Variants in C1GALT1 observed in about 807,000 individuals in gnomAD.
The protein encoded by C1GALT1 is core 1 synthase, glycoprotein-N-acetylgalactosamine 3-beta-galactosyltransferase 1, also known as glycoprotein-N-acetylgalactosamine 3-beta-galactosyltransferase 1.
A neutral mutation model predicts 31.0 loss-of-function variants in C1GALT1; 11 were observed. The observed-to-expected ratio is 0.36, with a 90% CI of 0.22 to 0.59. The LOEUF (loss-of-function observed/expected upper bound fraction) is 0.59. C1GALT1 is among the 20% of genes least tolerant of loss of function. The probability of loss-of-function intolerance (pLI) is 0.79; values close to 1 mark genes in which losing one functional copy is unlikely to be tolerated. For missense variants in C1GALT1, 424 were observed against 425.2 expected (o/e 1.00, Z 0.03); for synonymous variants, 175 against 143.6 (o/e 1.22, Z -1.56).
intron 1 of C1GALT1, 23 bp downstream of exon 1, chr7:7,182,843 C>G (rs1045219572): frequency 2.0e-6 from 2 of 985,382 alleles, no homozygotes; most frequent in African/African-American, 3.5e-5. Context: ...GAGGCGCCCT[C>G]AGGCTACGGG....
At chr7:7,229,726 T>C (rs768044165) in intron 1 of C1GALT1, among the ~76,000 whole-genome samples, 6 of 152,132 alleles carry the variant, frequency 3.9e-5, no homozygotes, top group Non-Finnish European at 8.8e-5. Flanking sequence ...GATATAAAGA[T>C]TACACTAACG....
At chr7:7,236,009 C>G (rs17165448) in intron 2 of C1GALT1, among the ~76,000 whole-genome samples, 1 of 152,114 alleles carries the variant, frequency 6.6e-6, no homozygotes, top group South Asian at 2.1e-4. Flanking sequence ...AACCTATTTT[C>G]TGTATTATGT....
chr7:7,228,517 A>G (rs761449365), intron 1 of C1GALT1, among the ~76,000 whole-genome samples: 18 of 151,532 alleles, frequency 1.2e-4, no homozygotes, highest in Admixed American at 1.3e-4. Context: ...CTACCTCAAC[A>G]CTCTTGTGGA....
intron 1 of C1GALT1, among the ~76,000 whole-genome samples, chr7:7,224,736 T>A (rs944722064): frequency 6.6e-6 from 1 of 152,172 alleles, no homozygotes; most frequent in Non-Finnish European, 1.5e-5. Context: ...TTAGAGGCTG[T>A]CCATTTTATT....
In C1GALT1 at chr7:7,238,564, A is replaced by G. The variant is rs757372781; in HGVS notation, c.530A>G (p.Asp177Gly). The change falls in exon 3 of 4, where the codon GAC becomes GGC. Residue 177 changes from aspartate to glycine, a missense_variant. Coordinates refer to ENST00000436587, the MANE Select transcript of C1GALT1 (RefSeq NM_020156.5). This position sits in a 1 kb window ranked among gnomAD's most constrained non-coding sequence, Gnocchi z 5.2. ...GATGATGACACGTATGTCATACTAG[A>G]CAATTTGAGGTGGCTTCTTTCAAAA... Reference protein sequence around the residue: ...KADDDTYVILDNLRWLLSKYD... With the variant: ...KADDDTYVILGNLRWLLSKYD... 2 of 1,614,128 alleles carry G rather than the reference A, an allele frequency of 1.2e-6. No homozygotes were observed. Among genetic ancestry groups the G allele is most frequent in the Non-Finnish European group, 1.7e-6 (2 of 1,179,980 alleles).
At chr7:7,202,165 C>T (rs1306736273) in intron 1 of C1GALT1, among the ~76,000 whole-genome samples, 3 of 152,346 alleles carry the variant, frequency 2.0e-5, no homozygotes, top group East Asian at 3.9e-4. Context: ...TTCCCTTTCA[C>T]ACATTGGGCA....
intron 2 of C1GALT1, among the ~76,000 whole-genome samples, chr7:7,162,239 A>G (rs1408986024): frequency 6.9e-6 from 1 of 145,388 alleles, no homozygotes; most frequent in East Asian, 2.1e-4. Flanking sequence ...AGCATTAGGT[A>G]TATCTCCTAA....
intron 1 of C1GALT1, among the ~76,000 whole-genome samples, chr7:7,188,775 A>G (rs1000987043): frequency 6.6e-6 from 1 of 151,922 alleles, no homozygotes; most frequent in African/African-American, 2.4e-5. Flanking sequence ...TAAACCTTTT[A>G]TCTTATACAG....
At chr7:7,215,865 G>A (rs1377876361) in intron 1 of C1GALT1, among the ~76,000 whole-genome samples, 3 of 152,080 alleles carry the variant, frequency 2.0e-5, no homozygotes, top group East Asian at 3.9e-4. Flanking sequence ...TACCTATTTC[G>A]GGTCATTAGA....
upstream of C1GALT1, among the ~76,000 whole-genome samples, chr7:7,179,392 T>C (rs28588056): frequency 0.02 from 2,972 of 152,322 alleles, 95 homozygotes; most frequent in African/African-American, 0.068. Context: ...GTTAATAAAA[T>C]TTAATACACG....
intron 1 of C1GALT1, among the ~76,000 whole-genome samples, chr7:7,220,307 TTTTA>T (rs1671265896): frequency 6.6e-6 from 1 of 152,212 alleles, no homozygotes; most frequent in Admixed American, 6.5e-5. Context: ...TGTTAGCTAT[TTTTA>T]TTTGCTATAT....
intron 1 of C1GALT1, among the ~76,000 whole-genome samples, chr7:7,220,944 G>A (rs546721152): frequency 6.6e-6 from 1 of 152,248 alleles, no homozygotes; most frequent in Non-Finnish European, 1.5e-5. Context: ...TGCAAGTCCA[G>A]AACCACTTAC....
rs1208561490 is a variant in C1GALT1, at chr7:7,201,539, C to G, written c.-18+18719C>G. Reference sequence around the variant, plus strand: ...ACTGCTCTCATGAAAGCTGTCAGACCTGGATGTTTAAGTCTGCAGAAGTTA... The same window carrying G: ...ACTGCTCTCATGAAAGCTGTCAGACGTGGATGTTTAAGTCTGCAGAAGTTA... On this transcript the variant is annotated intron_variant, in intron 1 of 3. Transcript: ENST00000436587. Among the ~76,000 whole-genome samples, 4 of 152,264 alleles carry G rather than the reference C, an allele frequency of 2.6e-5. No homozygotes were observed. The East Asian group carries it at 5.8e-4, about 22-fold the overall frequency.
chr7:7,196,130 T>C (rs1781275966), intron 1 of C1GALT1, among the ~76,000 whole-genome samples: 3 of 152,192 alleles, frequency 2.0e-5, no homozygotes, highest in African/African-American at 4.8e-5. Flanking sequence ...TTGTTACATA[T>C]GTATACATGT....
Position 7,238,817 on chromosome 7 carries a change from T to G in C1GALT1, c.783T>G (p.Ile261Met). 1 of 1,613,884 alleles carries G rather than the reference T, an allele frequency of 6.2e-7. No homozygotes were observed. The highest frequency in any genetic ancestry group is 8.5e-7 in the Non-Finnish European group (1 of 1,179,920). The change falls in exon 3 of 4, where the codon ATT (isoleucine) becomes ATG (methionine). Residue 261 changes from isoleucine (I) to methionine (M), a missense_variant. By Grantham distance (10) the Ile-to-Met change is conservative. This residue lies in a region of C1GALT1 where 191 missense variants were observed against 188.8 expected (regional missense o/e 1.01). Transcript: ENST00000436587. This position sits in a 1 kb window ranked among gnomAD's most constrained non-coding sequence, Gnocchi z 5.2. ...AAGCAGGAGATTCCAGAGATACCAT[T>G]GGAAAAGAAACTTTTCATCCCTTTG... Reference protein sequence around the residue: ...NVEAGDSRDTIGKETFHPFVP... With the variant: ...NVEAGDSRDTMGKETFHPFVP...
rs945096175 is a variant in C1GALT1, at chr7:7,235,957, C to G, written c.220+1418C>G. ...CAGGCCTTCAGCTATACCCATGTAC[C>G]TGCACTCAACCAAACTTCACCATTC... On this transcript the variant is annotated intron_variant, in intron 2 of 3. Coordinates refer to ENST00000436587, the MANE Select transcript of C1GALT1 (RefSeq NM_020156.5). 3.3e-5 allele frequency among the ~76,000 whole-genome samples: 5 copies of G among 152,150 alleles called. No individual in the cohort carries two copies. In the East Asian group the frequency reaches 9.6e-4, roughly 29 times the overall value.
At chr7:7,213,523 A>G (rs1298386181) in intron 1 of C1GALT1, among the ~76,000 whole-genome samples, 1 of 152,184 alleles carries the variant, frequency 6.6e-6, no homozygotes, top group East Asian at 1.9e-4. Flanking sequence ...TTTTCTCTGA[A>G]TGTTTCAGGG....
At chr7:7,210,804 T>C (rs1361233481) in intron 1 of C1GALT1, among the ~76,000 whole-genome samples, 1 of 152,154 alleles carries the variant, frequency 6.6e-6, no homozygotes, top group Non-Finnish European at 1.5e-5. Flanking sequence ...GTGGACCCAG[T>C]TTCTAATGGC....
intron 2 of C1GALT1, among the ~76,000 whole-genome samples, chr7:7,167,944 T>C (rs1273634629): frequency 6.6e-6 from 1 of 152,194 alleles, no homozygotes; most frequent in Non-Finnish European, 1.5e-5. Flanking sequence ...TCCATTTTTT[T>C]CAAGGTTTTA....
Sources: gnomAD v4.1 joint callset for allele counts (sites outside exome capture counted in the v4.1 genomes callset) on GRCh38, gnomAD v4.1.1 for gene constraint, gnomAD v4.1.1 regional missense constraint, Gnocchi (gnomAD v3.1) non-coding constraint, MANE v1.5 for transcripts, NCBI Gene and HGNC (gene_info 2026-07-23, HGNC 2026-07-21) for gene names.